Variants in ERCC6 observed in about 807,000 individuals in gnomAD.
ERCC6 encodes DNA excision repair protein ERCC-6.
Under a neutral mutation model 158.7 loss-of-function variants are expected in ERCC6, and 116 were observed. That is an observed-to-expected ratio of 0.73 (90% CI 0.63 to 0.85). ERCC6 has a LOEUF of 0.85. Among genes scored for constraint, ERCC6 ranks in the 40% least tolerant of loss-of-function variants. The pLI is 0.00. For missense variants in ERCC6, 1,698 were observed against 1,799.4 expected (o/e 0.94, Z 1.02); for synonymous variants, 678 against 659.3 (o/e 1.03, Z -0.43).
chr10:49,480,507 C>T (rs1318868742), intron 10 of ERCC6, among the ~76,000 whole-genome samples: 1 of 152,174 alleles, frequency 6.6e-6, no homozygotes, highest in African/African-American at 2.4e-5. Context: ...TACTCTGCTT[C>T]CAAAGATCTC....
intron 18 of ERCC6, among the ~76,000 whole-genome samples, chr10:49,462,717 C>A (rs1850604964): frequency 6.6e-6 from 1 of 152,052 alleles, no homozygotes; most frequent in Non-Finnish European, 1.5e-5. Flanking sequence ...TATAAATGGT[C>A]CTATAAAAAG....
At position 49,500,415 on chromosome 10, in the gene ERCC6, G is replaced by T. The variant is rs1386540262; in HGVS notation, c.1685+123C>A. 2.5e-6 allele frequency: 3 copies of T among 1,207,188 alleles called. No individual in the cohort carries two copies. In the African/African-American group the frequency reaches 4.5e-5, roughly 18 times the overall value. 74.8% of individuals were successfully genotyped at this position (1,207,188 alleles called of 1,614,324 possible). A position where few individuals can be genotyped will look rare whatever the true frequency, so the allele number is the denominator to read the frequency against. On this transcript the variant is annotated intron_variant, in intron 7 of 20. Coordinates refer to ENST00000355832, the MANE Select transcript of ERCC6 (RefSeq NM_000124.4). ...TTTCCTTTGATGTCCCCCACTAAAA[G>T]AATTAAAGGAATATTGTAATTGAAA...
At chr10:49,500,101 C>T (rs773275505) in intron 7 of ERCC6, among the ~76,000 whole-genome samples, 4 of 152,188 alleles carry the variant, frequency 2.6e-5, no homozygotes, top group Non-Finnish European at 5.9e-5. Context: ...TTTGTACTTA[C>T]TGTAATGCTC....
In ERCC6 at chr10:49,470,417, G is replaced by A. The variant is rs144328884; in HGVS notation, c.3543C>T (p.His1181=). 1.2e-6 allele frequency: 2 copies of A among 1,614,046 alleles called. No individual in the cohort carries two copies. Among genetic ancestry groups the A allele is most frequent in the Non-Finnish European group, 1.7e-6 (2 of 1,179,984 alleles). The change falls in exon 18 of 21, where the codon CAC becomes CAT. Residue 1181 remains histidine, a synonymous_variant. Transcript: ENST00000355832. ...CACTATGATGTTTTGTTTTTGACTT[G>A]TGCTTATAAAAATTATTTTCCATTT... is the stretch of plus-strand genomic sequence containing the variant. ...NKQMENNFYK[H]KSKTKHHSVA...
At chr10:49,480,611 T>C (rs1212089943) in intron 10 of ERCC6, among the ~76,000 whole-genome samples, 2 of 152,192 alleles carry the variant, frequency 1.3e-5, no homozygotes, top group Non-Finnish European at 2.9e-5. Flanking sequence ...TCTCAAATAA[T>C]TTTTCTATAA....
intron 11 of ERCC6, among the ~76,000 whole-genome samples, chr10:49,477,230 T>C (rs530604017): frequency 5.3e-5 from 8 of 152,044 alleles, no homozygotes; most frequent in Non-Finnish European, 1.2e-4. Flanking sequence ...TCAGGCATGA[T>C]TCCCTGGTTT....
downstream of ERCC6, among the ~76,000 whole-genome samples, chr10:49,449,970 TCAA>T (rs1448069061): frequency 6.6e-6 from 1 of 152,190 alleles, no homozygotes; most frequent in Non-Finnish European, 1.5e-5. Flanking sequence ...CCTCCTGGGC[TCAA>T]GTGATCCTCT....
chr10:49,437,501 G>A, the ERCC6 span, among the ~76,000 whole-genome samples: 25 of 152,322 alleles, frequency 1.6e-4, no homozygotes, highest in South Asian at 5.0e-3. Context: ...TGAGAATAGT[G>A]TTTACTAGCT....
In ERCC6 at chr10:49,530,609, A is replaced by AT. The variant is rs55710382; in HGVS notation, c.543+110dup. 14 of 1,508,062 alleles carry AT rather than the reference A, an allele frequency of 9.3e-6. No individual in the cohort carries two copies. In the East Asian group the frequency reaches 3.3e-4, roughly 36 times the overall value. 93.4% of individuals were successfully genotyped at this position (1,508,062 alleles called of 1,614,324 possible). A position where few individuals can be genotyped will look rare whatever the true frequency, so the allele number is the denominator to read the frequency against. ...AACCCAAAATTTCTCTATTGTAATTATAAGTATTTGCTTCACATCTTATAA... is the reference window on the plus strand; with the variant it reads ...AACCCAAAATTTCTCTATTGTAATTATTAAGTATTTGCTTCACATCTTATAA... On this transcript the variant is annotated intron_variant, in intron 3 of 20. Transcript: ENST00000355832.
rs201486862 is a variant in ERCC6, at chr10:49,482,719, T to C, written c.2137A>G (p.Met713Val). 73 of 1,613,952 alleles carry C rather than the reference T, an allele frequency of 4.5e-5. No homozygotes were observed. Among genetic ancestry groups the C allele is most frequent in the African/African-American group, 5.3e-5 (4 of 74,952 alleles). The change falls in exon 10 of 21, where the codon ATG becomes GTG. Residue 713 changes from methionine to valine, a missense_variant. Coordinates refer to ENST00000355832, the MANE Select transcript of ERCC6 (RefSeq NM_000124.4). ...FMEQFSVPIT[M>V]GGYSNASPVQ... ...GGGGAAGCATTTGAATATCCCCCCATGGTGATGGGGACGGAGAACTGCTCC... is the reference window on the plus strand; with the variant it reads ...GGGGAAGCATTTGAATATCCCCCCACGGTGATGGGGACGGAGAACTGCTCC...
At position 49,532,722 on chromosome 10, in the gene ERCC6, C is replaced by G; in HGVS notation, c.243G>C (p.Gln81His). Residue 81 changes from glutamine (Q) to histidine (H), a missense_variant, in exon 2 of 21, where the codon CAG (glutamine) becomes CAC (histidine). Transcript: ENST00000355832. ...ALLHIDRHQI[Q>H]AVEPSAQALE... ...GGGCCTGGGCGCTAGGCTCTACTGC[C>G]TGGATCTGATGTCGGTCGATGTGCA... is the stretch of plus-strand genomic sequence containing the variant. The G allele has an allele frequency of 2.5e-6, 4 of 1,614,226 alleles. No homozygotes were observed. Among genetic ancestry groups the G allele is most frequent in the Non-Finnish European group, 2.5e-6 (3 of 1,180,032 alleles).
At chr10:49,536,837 G>A (rs1043097326) in intron 1 of ERCC6, among the ~76,000 whole-genome samples, 9 of 152,174 alleles carry the variant, frequency 5.9e-5, no homozygotes, top group Admixed American at 2.0e-4. Flanking sequence ...AAGATGCTGA[G>A]AAGAGTAGCT....
At position 49,474,196 on chromosome 10, in the gene ERCC6, T is replaced by G; in HGVS notation, c.2429A>C (p.Asp810Ala). ...IALRKICNHP[D>A]LFSGGPKNLK... ...ATTCTTGGGACCTCCAGAAAAGAGA[T>G]CAGGGTGGTTGCAAATTTTTCTTAG... The change falls in exon 13 of 21, where the codon GAT (aspartate) becomes GCT (alanine). Residue 810 changes from aspartate (D) to alanine (A), a missense_variant. Coordinates refer to ENST00000355832, the MANE Select transcript of ERCC6 (RefSeq NM_000124.4). 1 of 1,614,146 alleles carries G rather than the reference T, an allele frequency of 6.2e-7. No individual in the cohort carries two copies. Among genetic ancestry groups the G allele is most frequent in the Non-Finnish European group, 8.5e-7 (1 of 1,180,026 alleles).
rs200291655 is a variant in ERCC6, at chr10:49,472,409, G to A, written c.2891C>T (p.Thr964Ile). The change falls in exon 16 of 21, where the codon ACT becomes ATT. Residue 964 changes from threonine to isoleucine, a missense_variant. Coordinates refer to ENST00000355832, the MANE Select transcript of ERCC6 (RefSeq NM_000124.4). ...KKQVTVYRLL[T>I]AGTIEEKIYH... ...GATCTTTTCTTCAATGGTGCCCGCA[G>A]TCAGGAGCCTGTACACAGTCACTTG... 6.2e-7 allele frequency: 1 copy of A among 1,614,134 alleles called. No homozygotes were observed. Among genetic ancestry groups the A allele is most frequent in the African/African-American group, 1.3e-5 (1 of 75,042 alleles).
chr10:49,528,927 C>A (rs1193491021), intron 3 of ERCC6, among the ~76,000 whole-genome samples: 4 of 152,204 alleles, frequency 2.6e-5, no homozygotes, highest in Non-Finnish European at 4.4e-5. Context: ...TGGAAGTCAA[C>A]AGGCCATAAG....
downstream of ERCC6, among the ~76,000 whole-genome samples, chr10:49,452,781 T>C (rs575692729): frequency 6.6e-5 from 10 of 152,328 alleles, no homozygotes; most frequent in Admixed American, 5.9e-4. Flanking sequence ...ACAACTGTTA[T>C]ATCTTTTTGA....
chr10:49,500,353 T>TTTA (rs1445210089), intron 7 of ERCC6, among the ~76,000 whole-genome samples, 185 bp downstream of exon 7: 1 of 152,178 alleles, frequency 6.6e-6, no homozygotes, highest in African/African-American at 2.4e-5. Context: ...ACATGTTTAA[T>TTTA]TTCTCCTGCC....
chr10:49,500,195 T>G (rs1303056289), intron 7 of ERCC6, among the ~76,000 whole-genome samples: 1 of 152,228 alleles, frequency 6.6e-6, no homozygotes, highest in Admixed American at 6.5e-5. Context: ...TAAAATTCCA[T>G]ATTGTGTAAA....
intron 2 of ERCC6, 29 bp downstream of exon 2, chr10:49,532,514 T>G: frequency 6.2e-7 from 1 of 1,611,678 alleles, no homozygotes; most frequent in South Asian, 1.1e-5. Flanking sequence ...TACCACCACT[T>G]TGAAAGGAAG....
Sources: gnomAD v4.1 joint callset for allele counts (sites outside exome capture counted in the v4.1 genomes callset) on GRCh38, gnomAD v4.1.1 for gene constraint, MANE v1.5 for transcripts, NCBI Gene and HGNC (gene_info 2026-07-23, HGNC 2026-07-21) for gene names.